KHDRBS2: variants seen among roughly 807,000 people sequenced by gnomAD.
KHDRBS2 encodes KH domain-containing, RNA-binding, signal transduction-associated protein 2.
A neutral mutation model predicts 44.3 loss-of-function variants in KHDRBS2; 26 were observed. The observed-to-expected ratio is 0.59, with a 90% CI of 0.43 to 0.81. The LOEUF is 0.81. Among genes scored for constraint, KHDRBS2 ranks in the 40% least tolerant of loss-of-function variants. The pLI is 0.00. For synonymous variants in KHDRBS2, 194 were observed against 151.1 expected (o/e 1.28, Z -2.08); for missense variants, 476 against 433.1 (o/e 1.10, Z -0.88).
At chr6:61,797,094 A>G (rs1483464884) in intron 6 of KHDRBS2, among the ~76,000 whole-genome samples, 1 of 152,148 alleles carries the variant, frequency 6.6e-6, no homozygotes, top group Non-Finnish European at 1.5e-5. Context: ...ATGTATTCTT[A>G]AGAAAAAAAT....
chr6:61,635,982 A>T, the KHDRBS2 span, among the ~76,000 whole-genome samples: 1 of 152,068 alleles, frequency 6.6e-6, no homozygotes, highest in Admixed American at 6.6e-5. Flanking sequence ...AATTTCCAAG[A>T]TCAAACATAG....
intron 5 of KHDRBS2, 120 bp from the exon 6 acceptor site, chr6:61,894,953 C>G (rs1488235949): frequency 3.1e-6 from 2 of 653,240 alleles, no homozygotes; most frequent in Non-Finnish European, 5.4e-6. Flanking sequence ...TTCTCTCTCT[C>G]TCTCTGTGTG....
chr6:62,228,142 C>A (rs1469721246), intron 1 of KHDRBS2, among the ~76,000 whole-genome samples: 3 of 152,114 alleles, frequency 2.0e-5, no homozygotes, highest in African/African-American at 7.2e-5. Flanking sequence ...AGCTGTGTAT[C>A]CCTCTGGTCC....
intron 1 of KHDRBS2, among the ~76,000 whole-genome samples, chr6:62,227,330 T>C (rs1832058174): frequency 6.6e-6 from 1 of 152,210 alleles, no homozygotes; most frequent in South Asian, 2.1e-4. Context: ...GCTTATCTTC[T>C]GTTGGTATAT....
intron 7 of KHDRBS2, among the ~76,000 whole-genome samples, chr6:61,728,644 C>A (rs1235066744): frequency 6.6e-6 from 1 of 152,030 alleles, no homozygotes; most frequent in Non-Finnish European, 1.5e-5. Context: ...GATAGATGTT[C>A]TTATGTGCTG....
rs531757254 is a variant in KHDRBS2, at chr6:61,891,023, C to A, written c.810+3612G>T. Among the ~76,000 whole-genome samples the A allele has an allele frequency of 2.0e-5, 3 of 152,222 alleles. No homozygotes were observed. The East Asian group carries it at 5.8e-4, about 29-fold the overall frequency. On this transcript the variant is annotated intron_variant, in intron 6 of 8. Transcript: ENST00000281156. ...TAGGATTAGCTATAAACTATGTTTA[C>A]TTTATTTTATAGTTAAATTTTGATT...
At chr6:61,593,645 A>G in the KHDRBS2 span, among the ~76,000 whole-genome samples, 1 of 130,012 alleles carries the variant, frequency 7.7e-6, no homozygotes, top group Non-Finnish European at 1.7e-5. Flanking sequence ...TGTCATATAG[A>G]TTATTTTTAA....
At chr6:61,551,657 A>G in the KHDRBS2 span, among the ~76,000 whole-genome samples, 1 of 152,106 alleles carries the variant, frequency 6.6e-6, no homozygotes, top group Non-Finnish European at 1.5e-5. Context: ...AGCTTTGTTG[A>G]AGACCAGATG....
At chr6:61,744,682 T>TA (rs1483225357) in intron 6 of KHDRBS2, among the ~76,000 whole-genome samples, 1 of 152,152 alleles carries the variant, frequency 6.6e-6, no homozygotes, top group Admixed American at 6.6e-5. Context: ...TATGTGCCTT[T>TA]ACTTTTGTCT....
the KHDRBS2 span, among the ~76,000 whole-genome samples, chr6:61,651,736 G>A: frequency 6.6e-6 from 1 of 152,020 alleles, no homozygotes; most frequent in African/African-American, 2.4e-5. Context: ...ACTTACTCCT[G>A]TAATTATGTT....
intron 4 of KHDRBS2, among the ~76,000 whole-genome samples, chr6:61,973,905 C>G (rs932318086): frequency 6.6e-6 from 1 of 151,872 alleles, no homozygotes; most frequent in Non-Finnish European, 1.5e-5. Context: ...TTAACTATGT[C>G]AATAGGATAG....
At chr6:62,111,277 G>A (rs1345944190) in intron 2 of KHDRBS2, among the ~76,000 whole-genome samples, 1 of 152,002 alleles carries the variant, frequency 6.6e-6, no homozygotes. Flanking sequence ...ATTCAAATAT[G>A]CTTCATTTTG....
intron 6 of KHDRBS2, among the ~76,000 whole-genome samples, chr6:61,845,584 A>G (rs2127276652): frequency 6.6e-6 from 1 of 152,238 alleles, no homozygotes; most frequent in South Asian, 2.1e-4. Context: ...CTGGGATTAC[A>G]GGCGTGAGCC....
At chr6:61,629,325 A>G in the KHDRBS2 span, among the ~76,000 whole-genome samples, 127 of 152,328 alleles carry the variant, frequency 8.3e-4, no homozygotes, top group African/African-American at 2.9e-3. Context: ...TGTCCCAAAC[A>G]TCATTTAAGC....
chr6:62,145,912 A>C (rs1813835893), intron 2 of KHDRBS2, among the ~76,000 whole-genome samples: 1 of 151,930 alleles, frequency 6.6e-6, no homozygotes, highest in Non-Finnish European at 1.5e-5. Flanking sequence ...TATATATGAA[A>C]CATAAATGAA....
chr6:61,875,478 A>G (rs1460150739), intron 6 of KHDRBS2, among the ~76,000 whole-genome samples: 1 of 152,116 alleles, frequency 6.6e-6, no homozygotes, highest in Non-Finnish European at 1.5e-5. Context: ...TTGCCTAAAG[A>G]TGACACTTTT....
In KHDRBS2 at chr6:62,128,150, A is replaced by G. The variant is rs554387891; in HGVS notation, c.219+49035T>C. Among the ~76,000 whole-genome samples the G allele has an allele frequency of 2.6e-5, 4 of 152,258 alleles. No individual in the cohort carries two copies. In the East Asian group the frequency reaches 7.7e-4, roughly 29 times the overall value. On this transcript the variant is annotated intron_variant, in intron 2 of 8. Transcript: ENST00000281156. ...CACAAGGCAGAGACTATTAGGTGAT[A>G]ATATAATTATAGTTAAGAGCATGAA...
intron 6 of KHDRBS2, among the ~76,000 whole-genome samples, chr6:61,800,820 C>T (rs999840129): frequency 2.6e-5 from 4 of 152,100 alleles, no homozygotes; most frequent in Admixed American, 6.6e-5. Context: ...ATTGGGACAA[C>T]ATCTTGTTCT....
intron 3 of KHDRBS2, among the ~76,000 whole-genome samples, 155 bp from the exon 4 acceptor site, chr6:61,978,367 G>A (rs1407548285): frequency 6.6e-6 from 1 of 151,938 alleles, no homozygotes; most frequent in African/African-American, 2.4e-5. Context: ...ATAAAAATCT[G>A]CTACAAGCCA....
Sources: allele counts gnomAD v4.1 joint callset (sites outside exome capture counted in the v4.1 genomes callset), GRCh38; gene constraint gnomAD v4.1.1; transcripts MANE v1.5; gene names NCBI Gene and HGNC (gene_info 2026-07-23, HGNC 2026-07-21).